PDLIM3: variants seen among roughly 807,000 people sequenced by gnomAD.
The protein encoded by PDLIM3 is PDZ and LIM domain 3.
PDLIM3 carries 36 observed loss-of-function variants against 37.3 expected under a neutral mutation model. That is an observed-to-expected ratio of 0.97 (90% CI 0.74 to 1.28). The LOEUF is 1.28. Ranked by LOEUF, PDLIM3 falls within the 50% of genes most tolerant of loss-of-function variation. PDLIM3 has a pLI of 0.00. For synonymous variants in PDLIM3, 174 were observed against 182.4 expected, an observed-to-expected ratio of 0.95 and a Z score of 0.37; for missense variants, 454 against 485.0, an observed-to-expected ratio of 0.94 and a Z score of 0.60.
Position 185,504,392 on chromosome 4 carries a change from T to G in PDLIM3, c.905+83A>C. ...TAGAAATTTGGTTTTCACAGTTGCC[T>G]TTAGTCTATAAAGTCTTAAAGGAGA... is the stretch of plus-strand genomic sequence containing the variant. On this transcript the variant is annotated intron_variant, in intron 7 of 7. Coordinates refer to ENST00000284767, the MANE Select transcript of PDLIM3 (RefSeq NM_014476.6). This position sits in a 1 kb window ranked among gnomAD's most constrained non-coding sequence, Gnocchi z 4.7. 1 of 1,192,720 alleles carries G rather than the reference T, an allele frequency of 8.4e-7. No homozygotes were observed. The highest frequency in any genetic ancestry group is 1.2e-6 in the Non-Finnish European group (1 of 818,590). 73.9% of individuals were successfully genotyped at this position (1,192,720 alleles called of 1,614,324 possible). A position where few individuals can be genotyped will look rare whatever the true frequency, so the allele number is the denominator to read the frequency against.
chr4:185,514,955 C>A lies in PDLIM3; in HGVS notation c.331-618G>T. ...CAAGAAAGCCATTAGTGAGCGAAACCAACAGCATCACTACTGTTAATAAAG... is the reference window on the plus strand; with the variant it reads ...CAAGAAAGCCATTAGTGAGCGAAACAAACAGCATCACTACTGTTAATAAAG... On this transcript the variant is annotated intron_variant, in intron 3 of 7. Coordinates refer to ENST00000284767, the MANE Select transcript of PDLIM3 (RefSeq NM_014476.6). The surrounding 1 kb of genome is among the most constrained non-coding windows in gnomAD (Gnocchi z 4.0). The A allele has an allele frequency of 7.8e-7, 1 of 1,281,502 alleles. No individual in the cohort carries two copies. The highest frequency in any genetic ancestry group is 2.4e-5 in the Admixed American group (1 of 42,264). The allele number at this position is 1,281,502 out of a possible 1,614,324, so 79.4% of individuals were successfully genotyped here. A position where few individuals can be genotyped will look rare whatever the true frequency, so the allele number is the denominator to read the frequency against.
At position 185,504,490 on chromosome 4, in the gene PDLIM3, C is replaced by T. The variant is rs768354891; in HGVS notation, c.890G>A (p.Cys297Tyr). The T allele has an allele frequency of 1.2e-6, 2 of 1,613,462 alleles. No homozygotes were observed. The highest frequency in any genetic ancestry group is 1.7e-6 in the Non-Finnish European group (2 of 1,179,330). The change falls in exon 7 of 8, where the codon TGT becomes TAT. Residue 297 changes from cysteine (C) to tyrosine (Y), a missense_variant. Physicochemically the swap from Cys to Tyr is radical, Grantham distance 194. Coordinates refer to ENST00000284767, the MANE Select transcript of PDLIM3 (RefSeq NM_014476.6). The surrounding 1 kb of genome is among the most constrained non-coding windows in gnomAD (Gnocchi z 4.7). ...GAQRMPLCDK[C>Y]GSGIVGAVVK... ...TGAAACTTACACTATGCCACTCCCACATTTGTCACAGAGCGGCATCCTCTG... is the reference window on the plus strand; with the variant it reads ...TGAAACTTACACTATGCCACTCCCATATTTGTCACAGAGCGGCATCCTCTG...
At position 185,501,608 on chromosome 4, in the gene PDLIM3, TAAGA is replaced by T. The variant is rs1310464673; in HGVS notation, c.*682_*685del. The T allele has an allele frequency of 3.3e-5, 5 of 152,368 alleles. No individual in the cohort carries two copies. The highest frequency in any genetic ancestry group is 4.4e-5 in the Non-Finnish European group (3 of 68,162). 9.4% of individuals were successfully genotyped at this position (152,368 alleles called of 1,614,324 possible). ...TCTATCATCAGAAATTTTGTGCTCA[TAAGA>T]AAGAGTAATGAGTTATAAAACCTGA... On this transcript the variant is annotated 3_prime_UTR_variant, in exon 8 of 8. Coordinates refer to ENST00000284767, the MANE Select transcript of PDLIM3 (RefSeq NM_014476.6).
At chr4:185,529,681 C>A (rs764242777) in intron 1 of PDLIM3, among the ~76,000 whole-genome samples, 1 of 152,318 alleles carries the variant, frequency 6.6e-6, no homozygotes, top group Non-Finnish European at 1.5e-5. Flanking sequence ...GTCACATGGG[C>A]GGCTTTAACA....
chr4:185,528,634 C>T (rs186742918), intron 1 of PDLIM3, among the ~76,000 whole-genome samples: 2 of 152,334 alleles, frequency 1.3e-5, no homozygotes, highest in East Asian at 1.9e-4. Context: ...AGCTATGTCA[C>T]CAGCTCCTTC....
Position 185,508,420 on chromosome 4 carries a change from G to A in PDLIM3, c.541C>T (p.Pro181Ser), listed in dbSNP as rs1255668243. The A allele has an allele frequency of 6.2e-7, 1 of 1,614,148 alleles. No homozygotes were observed. The highest frequency in any genetic ancestry group is 8.5e-7 in the Non-Finnish European group (1 of 1,180,034). ...APNIPLEMEL[P>S]GVKIVHAQFN... Reference sequence around the variant, plus strand: ...TGAGCATGTACAATCTTCACACCAGGAAGTTCCATTTCCAAAGGAATGTTA... The same window carrying A: ...TGAGCATGTACAATCTTCACACCAGAAAGTTCCATTTCCAAAGGAATGTTA... Residue 181 changes from proline (P) to serine (S), a missense_variant, in exon 5 of 8, where the codon CCT becomes TCT. Transcript: ENST00000284767.
intron 1 of PDLIM3, among the ~76,000 whole-genome samples, chr4:185,534,278 G>A (rs564775592): frequency 4.6e-5 from 7 of 152,188 alleles, no homozygotes; most frequent in African/African-American, 1.2e-4. Flanking sequence ...TTCAAAATCT[G>A]TATGAGCAGA....
intron 5 of PDLIM3, chr4:185,506,910 T>C: frequency 2.3e-6 from 1 of 429,666 alleles, no homozygotes; most frequent in Non-Finnish European, 4.3e-6. Context: ...GGAAGGAAAC[T>C]AAAAGATAAT....
chr4:185,533,965 G>A (rs1034384293), intron 1 of PDLIM3, among the ~76,000 whole-genome samples: 3 of 152,140 alleles, frequency 2.0e-5, no homozygotes, highest in Non-Finnish European at 4.4e-5. Context: ...TTTCTTAGTA[G>A]ATATAACGGA....
At chr4:185,513,827 T>G in intron 4 of PDLIM3, 1 of 1,087,164 alleles carries the variant, frequency 9.2e-7, no homozygotes, top group Non-Finnish European at 1.1e-6. Flanking sequence ...GATCAGTTTC[T>G]CTACTGAGAG....
At position 185,514,571 on chromosome 4, in the gene PDLIM3, C is replaced by A; in HGVS notation, c.331-234G>T. 1 of 1,244,848 alleles carries A rather than the reference C, an allele frequency of 8.0e-7. No individual in the cohort carries two copies. The highest frequency in any genetic ancestry group is 1.5e-5 in the South Asian group (1 of 64,704). 77.1% of individuals were successfully genotyped at this position (1,244,848 alleles called of 1,614,324 possible). A position where few individuals can be genotyped will look rare whatever the true frequency, so the allele number is the denominator to read the frequency against. ...ATTAGAACATGTTTTAGATGCTTGT[C>A]TTTAAAAGAGAAATCTGATAGTGCC... is the stretch of plus-strand genomic sequence containing the variant. On this transcript the variant is annotated intron_variant, in intron 3 of 7. Coordinates refer to ENST00000284767, the MANE Select transcript of PDLIM3 (RefSeq NM_014476.6). The surrounding 1 kb of genome is among the most constrained non-coding windows in gnomAD (Gnocchi z 4.0).
At chr4:185,523,545 CCTCA>C (rs1402752921) in intron 2 of PDLIM3, 99 bp from the exon 3 acceptor site, 1 of 714,170 alleles carries the variant, frequency 1.4e-6, no homozygotes, top group Non-Finnish European at 2.4e-6. Flanking sequence ...TACTAGCAAA[CCTCA>C]CTAACTTATG....
Position 185,502,395 on chromosome 4 carries a change from A to G in PDLIM3, c.994T>C (p.Tyr332His), listed in dbSNP as rs772792268. The change falls in exon 8 of 8, where the codon TAC becomes CAC. Residue 332 changes from tyrosine to histidine, a missense_variant. Physicochemically the swap from Tyr to His is moderately conservative, Grantham distance 83 (BLOSUM62 2). Coordinates refer to ENST00000284767, the MANE Select transcript of PDLIM3 (RefSeq NM_014476.6). ...DCNLNLKQKG[Y>H]FFIEGELYCE... ...TACAGCTCCCCTTCTATGAAGAAGTAGCCCTTTTGCTTGAGGTTGAGGTTG... is the reference window on the plus strand; with the variant it reads ...TACAGCTCCCCTTCTATGAAGAAGTGGCCCTTTTGCTTGAGGTTGAGGTTG... 1 of 1,614,218 alleles carries G rather than the reference A, an allele frequency of 6.2e-7. No homozygotes were observed. The highest frequency in any genetic ancestry group is 1.1e-5 in the South Asian group (1 of 91,086).
chr4:185,508,673 T>G lies in PDLIM3; in HGVS notation c.399-111A>C, dbSNP rs2095701939. On this transcript the variant is annotated intron_variant, in intron 4 of 7. Transcript: ENST00000284767. ...GGTTAAAAGGAATTGAAGACAAAAG[T>G]GAGAGGTGAATTACATCAAAATAAA... 3 of 1,052,160 alleles carry G rather than the reference T, an allele frequency of 2.9e-6. No homozygotes were observed. In the African/African-American group the frequency reaches 4.6e-5, roughly 16 times the overall value. 65.2% of individuals were successfully genotyped at this position (1,052,160 alleles called of 1,614,324 possible). A position where few individuals can be genotyped will look rare whatever the true frequency, so the allele number is the denominator to read the frequency against.
rs1290282883 is a variant in PDLIM3, at chr4:185,514,926, C to A, written c.331-589G>T. On this transcript the variant is annotated intron_variant, in intron 3 of 7. Transcript: ENST00000284767. This position sits in a 1 kb window ranked among gnomAD's most constrained non-coding sequence, Gnocchi z 4.0. ...GCAGACAAAATACACAGCCACACAG[C>A]GCACAAGAAAGCCATTAGTGAGCGA... The A allele has an allele frequency of 2.6e-6, 4 of 1,512,484 alleles. No individual in the cohort carries two copies. Among genetic ancestry groups the A allele is most frequent in the Non-Finnish European group, 3.6e-6 (4 of 1,122,944 alleles). The allele number at this position is 1,512,484 out of a possible 1,614,324, so 93.7% of individuals were successfully genotyped here. A position where few individuals can be genotyped will look rare whatever the true frequency, so the allele number is the denominator to read the frequency against.
At chr4:185,526,885 G>A (rs1184004002) in intron 1 of PDLIM3, among the ~76,000 whole-genome samples, 1 of 152,054 alleles carries the variant, frequency 6.6e-6, no homozygotes, top group South Asian at 2.1e-4. Flanking sequence ...GAAAGACTTC[G>A]CCAAACATCT....
chr4:185,528,227 G>A (rs1042939927), intron 1 of PDLIM3, among the ~76,000 whole-genome samples: 3 of 152,166 alleles, frequency 2.0e-5, no homozygotes. Flanking sequence ...TTTAGCTCTG[G>A]TTAGGATGAG....
intron 7 of PDLIM3, among the ~76,000 whole-genome samples, chr4:185,503,262 A>G (rs1462013635): frequency 6.6e-6 from 1 of 152,126 alleles, no homozygotes; most frequent in African/African-American, 2.4e-5. Flanking sequence ...AAAACAAAAC[A>G]AAAAACCAGA....
chr4:185,528,969 A>AT (rs1185438579), intron 1 of PDLIM3, among the ~76,000 whole-genome samples: 2 of 152,198 alleles, frequency 1.3e-5, no homozygotes, highest in Admixed American at 6.6e-5. Context: ...TTGTATTAGC[A>AT]TGCACAGTTT....
Sources: allele counts gnomAD v4.1 joint callset (sites outside exome capture counted in the v4.1 genomes callset), GRCh38; gene constraint gnomAD v4.1.1; non-coding constraint Gnocchi (gnomAD v3.1); transcripts MANE v1.5; gene names NCBI Gene and HGNC (gene_info 2026-07-23, HGNC 2026-07-21).